DNAH6: variants seen among roughly 807,000 people sequenced by gnomAD.
The protein encoded by DNAH6 is axonemal beta dynein heavy chain 6.
In DNAH6, 340 loss-of-function variants were observed where a neutral mutation model predicts 491.4. The observed-to-expected ratio is 0.69, with a 90% CI of 0.63 to 0.76. The LOEUF is 0.76. DNAH6 is among the 30% of genes least tolerant of loss of function. The pLI is 0.00. For synonymous variants in DNAH6, 1,603 were observed against 1,686.1 expected (o/e 0.95, Z 1.21); for missense variants, 4,443 against 4,972.2 (o/e 0.89, Z 3.20).
intron 42 of DNAH6, among the ~76,000 whole-genome samples, chr2:84,682,003 A>G (rs1207916115): frequency 6.6e-6 from 1 of 152,112 alleles, no homozygotes; most frequent in African/African-American, 2.4e-5. Flanking sequence ...CCCATCTTAA[A>G]AAAAAATAAT....
intron 29 of DNAH6, among the ~76,000 whole-genome samples, chr2:84,630,336 A>C (rs1688286834): frequency 6.6e-6 from 1 of 152,202 alleles, no homozygotes; most frequent in Non-Finnish European, 1.5e-5. Context: ...TTGACAATCA[A>C]AAAATACATA....
intron 39 of DNAH6, 122 bp from the exon 40 acceptor site, chr2:84,672,205 T>A: frequency 1.0e-6 from 1 of 989,450 alleles, no homozygotes; most frequent in South Asian, 1.9e-5. Context: ...CAGGCAGGAC[T>A]CAGAACTGAG....
At chr2:84,566,723 A>G (rs1304672774) in intron 11 of DNAH6, among the ~76,000 whole-genome samples, 1 of 152,070 alleles carries the variant, frequency 6.6e-6, no homozygotes, top group Non-Finnish European at 1.5e-5. Flanking sequence ...AATAGCTATG[A>G]GGAGTACTAT....
At chr2:84,564,807 A>T (rs567040141) in intron 11 of DNAH6, among the ~76,000 whole-genome samples, 1 of 152,250 alleles carries the variant, frequency 6.6e-6, no homozygotes, top group East Asian at 1.9e-4. Context: ...CCCATGCAGT[A>T]TGATGTTGGC....
intron 17 of DNAH6, among the ~76,000 whole-genome samples, chr2:84,594,850 A>G (rs1684425888): frequency 6.6e-6 from 1 of 152,244 alleles, no homozygotes; most frequent in Non-Finnish European, 1.5e-5. Context: ...AATAAGAAGA[A>G]CAAAGTTCAA....
chr2:84,812,646 A>C, intron 73 of DNAH6, 120 bp downstream of exon 73: 1 of 852,990 alleles, frequency 1.2e-6, no homozygotes, highest in Non-Finnish European at 1.8e-6. Flanking sequence ...GCCCAGAGAA[A>C]AAGAGATGTC....
At chr2:84,589,402 C>T in intron 16 of DNAH6, among the ~76,000 whole-genome samples, 1 of 152,088 alleles carries the variant, frequency 6.6e-6, no homozygotes, top group East Asian at 1.9e-4. Flanking sequence ...AAGCCAGGGA[C>T]AAATGGGTGT....
At position 84,710,370 on chromosome 2, in the gene DNAH6, C is replaced by T. The variant is rs1163598369; in HGVS notation, c.9336C>T (p.Leu3112=). ...CAGATAGTAATTTCTTACGAATACT[C>T]GAGAATTCAATCCGACTTGGTTTAC... The part of the protein sequence containing the change: ...KLTDSNFLRI[L]ENSIRLGLPV... Residue 3112 remains leucine, a synonymous_variant, in exon 56 of 77, where the codon CTC becomes CTT. Transcript: ENST00000389394. 3.2e-6 allele frequency: 5 copies of T among 1,551,572 alleles called. No individual in the cohort carries two copies. The highest frequency in any genetic ancestry group is 2.4e-5 in the South Asian group (2 of 84,026).
intron 26 of DNAH6, among the ~76,000 whole-genome samples, chr2:84,623,733 A>G (rs1687607864): frequency 6.6e-6 from 1 of 152,226 alleles, no homozygotes; most frequent in Non-Finnish European, 1.5e-5. Flanking sequence ...TTCCTTGAAA[A>G]AGATTTAATT....
chr2:84,592,980 G>A (rs776595950), intron 16 of DNAH6, among the ~76,000 whole-genome samples: 1 of 152,018 alleles, frequency 6.6e-6, no homozygotes, highest in Admixed American at 6.6e-5. Flanking sequence ...AGTTATGCCA[G>A]GTGAAAAAGT....
chr2:84,748,915 T>C (rs1243152054), intron 63 of DNAH6, among the ~76,000 whole-genome samples: 3 of 152,170 alleles, frequency 2.0e-5, no homozygotes, highest in Non-Finnish European at 2.9e-5. Context: ...CAGGAATCTT[T>C]TACATATGGT....
chr2:84,687,161 A>G (rs1252395448), intron 44 of DNAH6, among the ~76,000 whole-genome samples: 7 of 152,010 alleles, frequency 4.6e-5, no homozygotes, highest in Non-Finnish European at 1.0e-4. Flanking sequence ...TCTAATTTTT[A>G]CCCTCTGGAC....
intron 64 of DNAH6, among the ~76,000 whole-genome samples, chr2:84,773,187 T>C (rs540249319): frequency 1.3e-5 from 2 of 152,208 alleles, no homozygotes; most frequent in African/African-American, 4.8e-5. Context: ...GTGAGCATAA[T>C]ACCCAATAGT....
intron 61 of DNAH6, among the ~76,000 whole-genome samples, chr2:84,728,418 G>A (rs555089188): frequency 2.0e-4 from 31 of 152,318 alleles, no homozygotes; most frequent in African/African-American, 6.0e-4. Flanking sequence ...TTGAGGTCAG[G>A]AGGCCCATGT....
chr2:84,637,489 CA>C, intron 31 of DNAH6, 112 bp downstream of exon 31: 2 of 1,180,174 alleles, frequency 1.7e-6, no homozygotes, highest in Non-Finnish European at 2.3e-6. Context: ...AATGGTTACA[CA>C]TTATTAAGTG....
intron 64 of DNAH6, among the ~76,000 whole-genome samples, chr2:84,775,699 G>A: frequency 6.6e-6 from 1 of 152,108 alleles, no homozygotes; most frequent in Non-Finnish European, 1.5e-5. Flanking sequence ...TTATTGGTCT[G>A]TTCAGGATTT....
intron 41 of DNAH6, among the ~76,000 whole-genome samples, chr2:84,680,390 A>G (rs530961668): frequency 6.6e-6 from 1 of 152,166 alleles, no homozygotes; most frequent in Admixed American, 6.5e-5. Context: ...ATAAATACAC[A>G]TGTTCAAGTT....
the DNAH6 span, among the ~76,000 whole-genome samples, chr2:84,467,159 C>T: frequency 2.0e-5 from 3 of 152,198 alleles, no homozygotes; most frequent in Non-Finnish European, 2.9e-5. Flanking sequence ...ATCTCTTTTA[C>T]AATTAATGTT....
chr2:84,811,486 C>A (rs569104588), intron 72 of DNAH6, among the ~76,000 whole-genome samples: 20 of 152,220 alleles, frequency 1.3e-4, no homozygotes, highest in Admixed American at 2.6e-4. Context: ...GAAGGAGAGG[C>A]TTGGAGACAT....
Sources: allele counts gnomAD v4.1 joint callset (sites outside exome capture counted in the v4.1 genomes callset), GRCh38; gene constraint gnomAD v4.1.1; transcripts MANE v1.5; gene names NCBI Gene and HGNC (gene_info 2026-07-23, HGNC 2026-07-21).